The following ANK2 variants were observed in gnomAD, a reference collection of about 807,000 sequenced individuals.
ANK2 encodes the protein ankyrin-2.
In ANK2, 83 loss-of-function variants were observed where a neutral mutation model predicts 360.5. The observed-to-expected ratio is 0.23, with a 90% CI of 0.19 to 0.28. The LOEUF is 0.28. Ranked by LOEUF, ANK2 falls within the 10% of genes least tolerant of loss-of-function variation. The probability of loss-of-function intolerance (pLI) is 1.00; values close to 1 mark genes in which losing one functional copy is unlikely to be tolerated. For missense variants in ANK2, 4,201 were observed against 4,795.7 expected (o/e 0.88, Z 3.66); for synonymous variants, 1,740 against 1,759.5 (o/e 0.99, Z 0.28).
At chr4:112,930,901 A>G (rs913880396) in intron 2 of ANK2, among the ~76,000 whole-genome samples, 1 of 152,120 alleles carries the variant, frequency 6.6e-6, no homozygotes, top group Non-Finnish European at 1.5e-5. Flanking sequence ...AGAAAAAAAA[A>G]AAAAAGACTT....
intron 1 of ANK2, among the ~76,000 whole-genome samples, chr4:113,166,607 G>T (rs543415228): frequency 3.6e-4 from 55 of 151,230 alleles, no homozygotes; most frequent in African/African-American, 1.1e-3. Flanking sequence ...TGTTTTTTTG[G>T]TTTTTTTCTT....
At chr4:113,163,126 C>T (rs1340277183) in intron 1 of ANK2, among the ~76,000 whole-genome samples, 1 of 152,090 alleles carries the variant, frequency 6.6e-6, no homozygotes, top group Non-Finnish European at 1.5e-5. Context: ...TCTTTAGTCT[C>T]TTAAAAAATT....
chr4:112,996,750 C>T lies in ANK2; in HGVS notation c.21+92236C>T, dbSNP rs1008324830. On this transcript the variant is annotated intron_variant, in intron 2 of 30. Transcript: ENST00000503271. ...CTTTGAGTTACAAACAATCCAATTA[C>T]ACTCTTTATTTTAAAATGTACAATT... 2.0e-5 allele frequency among the ~76,000 whole-genome samples: 3 copies of T among 152,240 alleles called. 1 individual carries two copies. The Middle Eastern group carries it at 0.01, about 518-fold the overall frequency.
At chr4:113,277,404 A>C (rs1437010993) in intron 15 of ANK2, among the ~76,000 whole-genome samples, 1 of 152,208 alleles carries the variant, frequency 6.6e-6, no homozygotes, top group East Asian at 1.9e-4. Flanking sequence ...AATATCCTAA[A>C]ATTTAAATGA....
intron 1 of ANK2, among the ~76,000 whole-genome samples, chr4:113,100,602 A>T (rs1470223938): frequency 6.6e-6 from 1 of 152,164 alleles, no homozygotes; most frequent in Admixed American, 6.6e-5. Flanking sequence ...GTCTTACTGT[A>T]CAATCTAGTG....
rs3028929 is a variant in ANK2, at chr4:113,009,925, TACACAC to T, written c.21+105428_21+105433del. ...TTTCCTAAGGCCCCATTGTTGAGAG[TACACAC>T]ACACACACACACACACTCACACACA... On this transcript the variant is annotated intron_variant, in intron 2 of 30. Coordinates refer to the ANK2 transcript ENST00000503271. Among the ~76,000 whole-genome samples, 6 of 149,644 alleles carry T rather than the reference TACACAC, an allele frequency of 4.0e-5. No individual in the cohort carries two copies. In the East Asian group the frequency reaches 1.2e-3, roughly 29 times the overall value.
At chr4:112,762,184 CTATT>C in the ANK2 span, among the ~76,000 whole-genome samples, 1 of 152,076 alleles carries the variant, frequency 6.6e-6, no homozygotes, top group Non-Finnish European at 1.5e-5. Flanking sequence ...ACTCAAAGGG[CTATT>C]TATTTGAATT....
chr4:113,291,069 A>C (rs1286695934), intron 20 of ANK2, among the ~76,000 whole-genome samples: 1 of 152,212 alleles, frequency 6.6e-6, no homozygotes, highest in Non-Finnish European at 1.5e-5. Context: ...ATATTTATAG[A>C]TAATTTAGGT....
chr4:112,921,685 AT>A (rs113107484), intron 2 of ANK2, among the ~76,000 whole-genome samples: 16,983 of 138,496 alleles, frequency 0.12, 1,462 homozygotes, highest in East Asian at 0.34. Context: ...ATACCATTCT[AT>A]TTTTTTTTTT....
chr4:113,144,828 A>AAT (rs199547163), intron 1 of ANK2, among the ~76,000 whole-genome samples: 18,241 of 146,440 alleles, frequency 0.12, 1,236 homozygotes, highest in Non-Finnish European at 0.16. Flanking sequence ...TATAGTTATA[A>AAT]ATATATATAT....
At chr4:113,117,855 C>A (rs1245605164) in intron 1 of ANK2, among the ~76,000 whole-genome samples, 1 of 152,070 alleles carries the variant, frequency 6.6e-6, no homozygotes, top group Non-Finnish European at 1.5e-5. Context: ...TGATGTAGAC[C>A]TCTAGTTAAG....
intron 2 of ANK2, among the ~76,000 whole-genome samples, chr4:113,014,048 C>G (rs1236408983): frequency 6.6e-6 from 1 of 152,006 alleles, no homozygotes; most frequent in African/African-American, 2.4e-5. Flanking sequence ...AGGTTGAGCA[C>G]TAGAGCCCAG....
intron 2 of ANK2, among the ~76,000 whole-genome samples, chr4:113,025,738 G>T (rs943787366): frequency 2.6e-5 from 4 of 152,128 alleles, no homozygotes; most frequent in Admixed American, 1.3e-4. Context: ...TTGCTAAGGA[G>T]ATCTGAGGGT....
chr4:113,078,894 A>G (rs570900581), intron 1 of ANK2, among the ~76,000 whole-genome samples: 60 of 152,376 alleles, frequency 3.9e-4, no homozygotes, highest in Non-Finnish European at 7.1e-4. Flanking sequence ...TCTTAAACTC[A>G]TATTTTAATA....
chr4:113,023,870 A>T (rs968391653), intron 2 of ANK2, among the ~76,000 whole-genome samples: 3 of 152,212 alleles, frequency 2.0e-5, no homozygotes, highest in African/African-American at 7.2e-5. Context: ...GTATGTATTT[A>T]AAACCCTTTC....
At chr4:112,925,027 A>G (rs2154227934) in intron 2 of ANK2, among the ~76,000 whole-genome samples, 1 of 151,932 alleles carries the variant, frequency 6.6e-6, no homozygotes, top group African/African-American at 2.4e-5. Flanking sequence ...TTTAGTAGAG[A>G]CGAGGTTTCA....
chr4:113,357,595 A>T lies in ANK2; in HGVS notation c.8977A>T (p.Ile2993Leu). ...AGAATCTAATTTTGAGGGCCAGGAC[A>T]TAAAAATGGAATCCCAACAGGAAAG... ...SKESNFEGQD[I>L]KMESQQESTL... The change falls in exon 38 of 46, where the codon ATA (isoleucine) becomes TTA (leucine). Residue 2993 changes from isoleucine (I) to leucine (L), a missense_variant. This residue lies in a region of ANK2 where 2,642 missense variants were observed against 2,714.5 expected (regional missense o/e 0.97). Transcript: ENST00000357077. 6 of 1,614,168 alleles carry T rather than the reference A, an allele frequency of 3.7e-6. No homozygotes were observed. The highest frequency in any genetic ancestry group is 5.1e-6 in the Non-Finnish European group (6 of 1,179,986).
intron 2 of ANK2, among the ~76,000 whole-genome samples, chr4:112,917,407 CCACCACCAA>C (rs1361207026): frequency 6.6e-6 from 1 of 152,202 alleles, no homozygotes; most frequent in Non-Finnish European, 1.5e-5. Flanking sequence ...TACTTATCCT[CCACCACCAA>C]CACTGCCATG....
chr4:113,373,865 G>A (rs992644506), intron 45 of ANK2, among the ~76,000 whole-genome samples: 3 of 152,174 alleles, frequency 2.0e-5, no homozygotes, highest in African/African-American at 7.2e-5. Context: ...ATAAATATTT[G>A]ATATTCAGAT....
Sources: allele counts gnomAD v4.1 joint callset (sites outside exome capture counted in the v4.1 genomes callset), GRCh38; gene constraint gnomAD v4.1.1; regional missense constraint gnomAD v4.1.1; transcripts MANE v1.5; gene names NCBI Gene and HGNC (gene_info 2026-07-23, HGNC 2026-07-21).